Variants in INSR observed in about 807,000 individuals in gnomAD.
INSR encodes the protein insulin receptor, also known as IR.
In INSR, 67 loss-of-function variants were observed where a neutral mutation model predicts 142.6. The observed-to-expected ratio is 0.47, with a 90% confidence interval of 0.39 to 0.58. The LOEUF is 0.58. Ranked by LOEUF, INSR falls within the 20% of genes least tolerant of loss-of-function variation. INSR has a pLI of 0.00. For missense variants in INSR, 1,248 were observed against 1,833.2 expected (o/e 0.68, Z 5.83); for synonymous variants, 756 against 743.1 (o/e 1.02, Z -0.28).
chr19:7,178,016 C>T lies in INSR; in HGVS notation c.975-3285G>A, dbSNP rs561934175. On this transcript the variant is annotated intron_variant, in intron 3 of 21. Transcript: ENST00000302850. ...TTCGCACACAGAACGCAATTTTATCCGTTGCTACAAGGGTCATTTTTTATT... is the reference window on the plus strand; with the variant it reads ...TTCGCACACAGAACGCAATTTTATCTGTTGCTACAAGGGTCATTTTTTATT... Among the ~76,000 whole-genome samples, 17 of 151,974 alleles carry T rather than the reference C, an allele frequency of 1.1e-4. 1 individual carries two copies. Among genetic ancestry groups the T allele is most frequent in the Non-Finnish European group, 2.4e-4 (16 of 67,984 alleles).
chr19:7,282,690 A>C (rs1968236757), intron 1 of INSR, among the ~76,000 whole-genome samples: 2 of 150,102 alleles, frequency 1.3e-5, no homozygotes, highest in Non-Finnish European at 3.0e-5. Context: ...AAATAATAAT[A>C]ATAATAGGCA....
intron 13 of INSR, among the ~76,000 whole-genome samples, chr19:7,134,719 C>T (rs1001894276): frequency 2.6e-5 from 4 of 151,862 alleles, no homozygotes; most frequent in South Asian, 2.1e-4. Context: ...GAGTCGAGAT[C>T]GTGACACTGC....
intron 2 of INSR, among the ~76,000 whole-genome samples, chr19:7,261,265 T>A (rs956835410): frequency 1.3e-5 from 2 of 152,132 alleles, no homozygotes; most frequent in Non-Finnish European, 2.9e-5. Flanking sequence ...CATCTGCATT[T>A]GCCACTAGAC....
intron 1 of INSR, among the ~76,000 whole-genome samples, chr19:7,283,421 C>G (rs1023591008): frequency 6.6e-6 from 1 of 152,092 alleles, no homozygotes; most frequent in Non-Finnish European, 1.5e-5. Context: ...CGGAAAATGA[C>G]AAACCCACAG....
In INSR at chr19:7,149,039, C is replaced by T. The variant is rs115015773; in HGVS notation, c.2267+1458G>A. Among the ~76,000 whole-genome samples the T allele has an allele frequency of 5.5e-3, 839 of 152,286 alleles. 5 individuals are homozygous for T. Among genetic ancestry groups the T allele is most frequent in the African/African-American group, 0.019 (791 of 41,556 alleles). ...CGAACTCCTGGCCTCAAGTGATTGC[C>T]CCGCCTGGGGTAGCTGCGTCACCAC... is the stretch of plus-strand genomic sequence containing the variant. On this transcript the variant is annotated intron_variant, in intron 11 of 21. Coordinates refer to ENST00000302850, the MANE Select transcript of INSR (RefSeq NM_000208.4).
intron 15 of INSR, 98 bp downstream of exon 15, chr19:7,128,754 T>G (rs2144822438): frequency 1.2e-6 from 1 of 826,308 alleles, no homozygotes; most frequent in Non-Finnish European, 2.1e-6. Flanking sequence ...ATCAGCAAAA[T>G]TCATAATAAA....
At chr19:7,282,024 G>A (rs1012297854) in intron 1 of INSR, among the ~76,000 whole-genome samples, 4 of 152,130 alleles carry the variant, frequency 2.6e-5, no homozygotes, top group African/African-American at 9.7e-5. Flanking sequence ...ACGTGGCACC[G>A]CAGGATAGCA....
intron 13 of INSR, among the ~76,000 whole-genome samples, chr19:7,135,090 T>TAA (rs5826960): frequency 0.067 from 5,209 of 78,316 alleles, 637 homozygotes; most frequent in East Asian, 0.56. Context: ...AAAGAAATGT[T>TAA]AAAAAAAAAA....
chr19:7,290,539 G>A (rs1013734849), intron 1 of INSR, among the ~76,000 whole-genome samples: 1 of 151,682 alleles, frequency 6.6e-6, no homozygotes, highest in Non-Finnish European at 1.5e-5. Flanking sequence ...TTGGAAGGCC[G>A]AGGCAGGCAG....
intron 2 of INSR, among the ~76,000 whole-genome samples, chr19:7,262,909 T>C (rs1287239662): frequency 6.6e-6 from 1 of 151,972 alleles, no homozygotes; most frequent in East Asian, 1.9e-4. Flanking sequence ...ATGAGAAAGT[T>C]TGGGAGATGG....
intron 4 of INSR, 65 bp from the exon 5 acceptor site, chr19:7,172,499 C>T: frequency 6.5e-7 from 1 of 1,542,586 alleles, no homozygotes; most frequent in Non-Finnish European, 8.9e-7. Flanking sequence ...CATGATTCTC[C>T]ATGGTGAGAA....
At chr19:7,214,291 T>C (rs1044734065) in intron 2 of INSR, among the ~76,000 whole-genome samples, 1 of 152,156 alleles carries the variant, frequency 6.6e-6, no homozygotes, top group African/African-American at 2.4e-5. Flanking sequence ...GAACTCTAGT[T>C]CTTATTCCCC....
intron 13 of INSR, among the ~76,000 whole-genome samples, chr19:7,132,739 T>C (rs915957932): frequency 1.3e-5 from 2 of 151,632 alleles, no homozygotes; most frequent in Admixed American, 6.6e-5. Flanking sequence ...TTACAGGCGC[T>C]CACCACCGCG....
chr19:7,209,502 C>G (rs551842630), intron 2 of INSR, among the ~76,000 whole-genome samples: 1 of 152,232 alleles, frequency 6.6e-6, no homozygotes, highest in South Asian at 2.1e-4. Flanking sequence ...TCTGCAGCCT[C>G]GACTTCCCAG....
At chr19:7,244,087 C>A (rs907218538) in intron 2 of INSR, among the ~76,000 whole-genome samples, 1 of 152,082 alleles carries the variant, frequency 6.6e-6, no homozygotes, top group Non-Finnish European at 1.5e-5. Context: ...TAAAAACCTA[C>A]CAATCAATTT....
intron 14 of INSR, among the ~76,000 whole-genome samples, chr19:7,130,472 G>A (rs79635359): frequency 0.018 from 2,711 of 152,284 alleles, 42 homozygotes; most frequent in Non-Finnish European, 0.024. Flanking sequence ...AGGAGTGGCC[G>A]GGTGGGAGGT....
chr19:7,181,843 A>G (rs1974282953), intron 3 of INSR, among the ~76,000 whole-genome samples: 1 of 151,640 alleles, frequency 6.6e-6, no homozygotes, highest in South Asian at 2.1e-4. Flanking sequence ...GGCCTCCCAA[A>G]GTGCTGGGAT....
At chr19:7,219,868 C>T (rs1975558938) in intron 2 of INSR, among the ~76,000 whole-genome samples, 2 of 152,052 alleles carry the variant, frequency 1.3e-5, no homozygotes, top group Non-Finnish European at 2.9e-5. Context: ...GTGGTCTCTA[C>T]ATGGTGGCAC....
intron 2 of INSR, among the ~76,000 whole-genome samples, chr19:7,249,342 C>T (rs544907512): frequency 1.1e-4 from 16 of 152,192 alleles, no homozygotes; most frequent in Admixed American, 9.8e-4. Flanking sequence ...TGCAAATAAC[C>T]TTCATACCTT....
Sources: allele counts gnomAD v4.1 joint callset (sites outside exome capture counted in the v4.1 genomes callset), GRCh38; gene constraint gnomAD v4.1.1; transcripts MANE v1.5; gene names NCBI Gene and HGNC (gene_info 2026-07-23, HGNC 2026-07-21).